Variants in PRIM2 observed in about 807,000 individuals in gnomAD.
PRIM2 encodes the protein DNA primase large subunit.
A neutral mutation model predicts 67.3 loss-of-function variants in PRIM2; 39 were observed. The observed-to-expected ratio is 0.58, with a 90% CI of 0.45 to 0.76. The LOEUF (loss-of-function observed/expected upper bound fraction) is 0.76, where lower values mean the gene tolerates loss of function less well. PRIM2 is among the 30% of genes least tolerant of loss of function. The pLI is 0.00. For synonymous variants in PRIM2, 143 were observed against 198.7 expected (o/e 0.72, Z 2.36); for missense variants, 398 against 598.7 (o/e 0.66, Z 3.50).
the PRIM2 span, among the ~76,000 whole-genome samples, chr6:57,287,734 G>A: frequency 6.6e-6 from 1 of 151,016 alleles, no homozygotes; most frequent in Non-Finnish European, 1.5e-5. Context: ...GTGTAACAAA[G>A]CTGCATGTTC....
At chr6:57,565,607 T>C (rs1775721572) in intron 10 of PRIM2, among the ~76,000 whole-genome samples, 1 of 152,186 alleles carries the variant, frequency 6.6e-6, no homozygotes, top group African/African-American at 2.4e-5. Flanking sequence ...TCAAATTGGG[T>C]GCTGCCCTCC....
chr6:57,337,699 G>T (rs1474678613), intron 5 of PRIM2, among the ~76,000 whole-genome samples: 1 of 152,190 alleles, frequency 6.6e-6, no homozygotes, highest in Non-Finnish European at 1.5e-5. Context: ...TCTCTGGGAC[G>T]CATTCAAAGC....
At chr6:57,442,765 C>G (rs1772239861) in intron 7 of PRIM2, among the ~76,000 whole-genome samples, 1 of 152,042 alleles carries the variant, frequency 6.6e-6, no homozygotes, top group East Asian at 1.9e-4. Context: ...ATAATGAAAT[C>G]AAGCTAGTTA....
At chr6:57,290,860 A>AG in the PRIM2 span, among the ~76,000 whole-genome samples, 1 of 151,550 alleles carries the variant, frequency 6.6e-6, no homozygotes, top group Admixed American at 6.6e-5. Context: ...CAGTGTGTAG[A>AG]GGAAATTTAT....
intron 10 of PRIM2, chr6:57,586,976 CCT>C (rs1312017227): frequency 2.6e-5 from 4 of 152,180 alleles, no homozygotes; most frequent in Admixed American, 2.0e-4. Context: ...GATCCAAAAA[CCT>C]CTGTTATTTT....
At chr6:57,484,599 T>G (rs1773711223) in intron 7 of PRIM2, among the ~76,000 whole-genome samples, 1 of 152,178 alleles carries the variant, frequency 6.6e-6, no homozygotes, top group Non-Finnish European at 1.5e-5. Flanking sequence ...GCCATACCAT[T>G]TTGTTGTTGT....
At chr6:57,247,185 A>G in the PRIM2 span, among the ~76,000 whole-genome samples, 1 of 152,160 alleles carries the variant, frequency 6.6e-6, no homozygotes, top group African/African-American at 2.4e-5. Flanking sequence ...GCCTGCACCT[A>G]GAGTATCCAT....
chr6:57,444,006 A>G (rs557467493), intron 7 of PRIM2, among the ~76,000 whole-genome samples: 3 of 152,260 alleles, frequency 2.0e-5, no homozygotes, highest in African/African-American at 4.8e-5. Flanking sequence ...TCCCAGCACC[A>G]TTTGTTGAAT....
At chr6:57,383,186 G>A (rs530184360) in intron 7 of PRIM2, 123 of 152,164 alleles carry the variant, frequency 8.1e-4, no homozygotes, top group African/African-American at 2.9e-3. Flanking sequence ...TCTAGTTACA[G>A]CTAAGAATAG....
At chr6:57,634,023 C>T (rs1292769871) in intron 13 of PRIM2, among the ~76,000 whole-genome samples, 2 of 152,172 alleles carry the variant, frequency 1.3e-5, no homozygotes, top group African/African-American at 4.8e-5. Flanking sequence ...TGTATATTTC[C>T]CTGTCTATGA....
At chr6:57,508,161 TC>T (rs1166735353) in intron 8 of PRIM2, among the ~76,000 whole-genome samples, 1 of 152,208 alleles carries the variant, frequency 6.6e-6, no homozygotes, top group African/African-American at 2.4e-5. Context: ...GGTCTCGAAC[TC>T]CTGACCTCAG....
rs1299459904 is a variant in PRIM2, at chr6:57,636,746, G to T, written c.1299+4545G>T. ...AAGATTAATTATCTCTGAAAAAAAG[G>T]CAGTAGCCCCAGTCAGGGGCTTATA... On this transcript the variant is annotated intron_variant, in intron 13 of 13. Coordinates refer to ENST00000615550, the MANE Select transcript of PRIM2 (RefSeq NM_000947.5). 5.3e-5 allele frequency among the ~76,000 whole-genome samples: 8 copies of T among 152,282 alleles called. No homozygotes were observed. The South Asian group carries it at 1.2e-3, about 24-fold the overall frequency.
chr6:57,539,954 A>G (rs1775111384), intron 10 of PRIM2, among the ~76,000 whole-genome samples: 1 of 151,552 alleles, frequency 6.6e-6, no homozygotes, highest in Non-Finnish European at 1.5e-5. Flanking sequence ...AGATCGCACC[A>G]CTGCACTCCA....
intron 8 of PRIM2, among the ~76,000 whole-genome samples, chr6:57,531,514 G>A (rs1197913497): frequency 2.6e-5 from 4 of 152,142 alleles, no homozygotes; most frequent in Non-Finnish European, 4.4e-5. Flanking sequence ...GCATGCACCT[G>A]AGTCTGTGTT....
intron 7 of PRIM2, among the ~76,000 whole-genome samples, chr6:57,484,216 T>C (rs1773693980): frequency 6.6e-6 from 1 of 152,210 alleles, no homozygotes; most frequent in Non-Finnish European, 1.5e-5. Flanking sequence ...ACATGGAACA[T>C]TAAAACCATG....
chr6:57,480,257 T>C (rs1430454306), intron 7 of PRIM2, among the ~76,000 whole-genome samples: 37 of 152,348 alleles, frequency 2.4e-4, no homozygotes, highest in African/African-American at 8.7e-4. Flanking sequence ...TTAAATTTAG[T>C]TTTTCTTCTT....
At chr6:57,443,677 GC>G (rs1411609795) in intron 7 of PRIM2, among the ~76,000 whole-genome samples, 2 of 152,008 alleles carry the variant, frequency 1.3e-5, no homozygotes, top group African/African-American at 4.8e-5. Context: ...CCCTTATCAG[GC>G]GTAACACTTG....
the PRIM2 span, among the ~76,000 whole-genome samples, chr6:57,309,691 T>G: frequency 2.6e-5 from 4 of 152,178 alleles, no homozygotes; most frequent in Admixed American, 2.0e-4. Context: ...AGTAATGGGA[T>G]GGCTGGGTCA....
At chr6:57,320,705 G>A (rs191975904) in intron 3 of PRIM2, 145 bp downstream of exon 3, 94 of 553,832 alleles carry the variant, frequency 1.7e-4, no homozygotes, top group African/African-American at 1.6e-3. Flanking sequence ...GTGTATTAGG[G>A]GTGATTGACA....
Sources: allele counts gnomAD v4.1 joint callset (sites outside exome capture counted in the v4.1 genomes callset), GRCh38; gene constraint gnomAD v4.1.1; transcripts MANE v1.5; gene names NCBI Gene and HGNC (gene_info 2026-07-23, HGNC 2026-07-21).